Variants in CLINT1 observed in about 807,000 individuals in gnomAD.
CLINT1 encodes clathrin interacting protein localized in the trans-Golgi region.
Under a neutral mutation model 70.4 loss-of-function variants are expected in CLINT1, and 15 were observed. The ratio of observed to expected loss-of-function variants is 0.21; its 90% confidence interval spans 0.14 to 0.33. CLINT1 has a LOEUF of 0.33. Among genes scored for constraint, CLINT1 ranks in the 10% least tolerant of loss-of-function variants. The pLI is 1.00. For synonymous variants in CLINT1, 227 were observed against 254.7 expected, an observed-to-expected ratio of 0.89 and a Z score of 1.04; for missense variants, 615 against 778.1, an observed-to-expected ratio of 0.79 and a Z score of 2.49.
chr5:157,823,788 C>A (rs1030112209), intron 1 of CLINT1: 2 of 710,166 alleles, frequency 2.8e-6, no homozygotes, highest in East Asian at 1.3e-4. Context: ...CCCGGAGTTG[C>A]GGACCGGCCT....
chr5:157,813,313 A>G, intron 4 of CLINT1, 86 bp from the exon 5 acceptor site: 1 of 1,222,870 alleles, frequency 8.2e-7, no homozygotes, highest in Non-Finnish European at 1.1e-6. Context: ...AGACACAAAA[A>G]CTTCAACATA....
At chr5:157,807,199 T>C (rs927359645) in intron 6 of CLINT1, among the ~76,000 whole-genome samples, 11 of 152,014 alleles carry the variant, frequency 7.2e-5, no homozygotes, top group African/African-American at 2.7e-4. Context: ...AAATCAAAGA[T>C]CAAAAAGAAT....
At position 157,816,791 on chromosome 5, in the gene CLINT1, G is replaced by A. The variant is rs184026729; in HGVS notation, c.186C>T (p.Asn62=). The change falls in exon 3 of 12, where the codon AAC becomes AAT. Residue 62 remains asparagine (N), a synonymous_variant. Transcript: ENST00000411809. ...FMYEQFPELM[N]MLWSRMLKDN... ...CTTTTAACATTCGTGACCAAAGCAT[G>A]TTCATAAGTTCTGGAAATTGTTCAT... 41 of 1,610,960 alleles carry A rather than the reference G, an allele frequency of 2.5e-5. No homozygotes were observed. The African/African-American group carries it at 5.1e-4, about 20-fold the overall frequency.
chr5:157,820,045 A>T (rs1318248566), intron 1 of CLINT1, among the ~76,000 whole-genome samples: 1 of 152,244 alleles, frequency 6.6e-6, no homozygotes, highest in African/African-American at 2.4e-5. Context: ...AATGGGAGCC[A>T]TCAGAACATA....
chr5:157,858,919 C>A lies in CLINT1; in HGVS notation c.41+11G>T. On this transcript the variant is annotated intron_variant, in intron 1 of 11. Transcript: ENST00000411809. ...CGTGGGCCTCGGCCACAACTGCCCC[C>A]CGATACTCACGCTTTGTCCACCAGC... 1 of 1,607,576 alleles carries A rather than the reference C, an allele frequency of 6.2e-7. No homozygotes were observed. The highest frequency in any genetic ancestry group is 2.3e-5 in the East Asian group (1 of 44,296).
intron 1 of CLINT1, among the ~76,000 whole-genome samples, chr5:157,819,361 T>C (rs980590372): frequency 4.6e-5 from 7 of 152,104 alleles, no homozygotes; most frequent in Non-Finnish European, 7.4e-5. Flanking sequence ...TGTGACAAAA[T>C]AAATATAAAT....
At chr5:157,844,075 A>C (rs144862204) in intron 1 of CLINT1, among the ~76,000 whole-genome samples, 1,548 of 152,246 alleles carry the variant, frequency 0.01, 24 homozygotes, top group African/African-American at 0.035. Flanking sequence ...TATTCTGTTT[A>C]AATTAAGTAG....
chr5:157,815,560 C>CA (rs1407920280), intron 3 of CLINT1, among the ~76,000 whole-genome samples: 8 of 151,652 alleles, frequency 5.3e-5, no homozygotes, highest in Non-Finnish European at 1.0e-4. Context: ...GTGGCAAAAA[C>CA]AAAAAAAATT....
At chr5:157,830,122 AT>A (rs1763177153) in intron 1 of CLINT1, among the ~76,000 whole-genome samples, 2 of 150,982 alleles carry the variant, frequency 1.3e-5, no homozygotes, top group African/African-American at 4.9e-5. Flanking sequence ...TAGTTTTTAT[AT>A]TTTTTGTAGA....
Position 157,787,834 on chromosome 5 carries a change from C to T in CLINT1, c.1690G>A (p.Ala564Thr), listed in dbSNP as rs759210327. The change falls in exon 12 of 12, where the codon GCC becomes ACC. Residue 564 changes from alanine to threonine, a missense_variant. Ala to Thr is a moderately conservative substitution (Grantham distance 58). This residue lies in a region of CLINT1 where 374 missense variants were observed against 409.6 expected (regional missense o/e 0.91). Coordinates refer to ENST00000411809, the MANE Select transcript of CLINT1 (RefSeq NM_014666.4). ...PNVMTGTMGM[A>T]PLGNTPMMNQ... ...ATCATCGGAGTATTTCCAAGAGGGGCCATTCCCATGGTGCCAGTCATCACA... is the reference window on the plus strand; with the variant it reads ...ATCATCGGAGTATTTCCAAGAGGGGTCATTCCCATGGTGCCAGTCATCACA... 1 of 1,613,914 alleles carries T rather than the reference C, an allele frequency of 6.2e-7. No individual in the cohort carries two copies. Among genetic ancestry groups the T allele is most frequent in the East Asian group, 2.2e-5 (1 of 44,862 alleles).
At chr5:157,850,080 A>C (rs1055429590) in intron 1 of CLINT1, among the ~76,000 whole-genome samples, 1 of 152,210 alleles carries the variant, frequency 6.6e-6, no homozygotes, top group Non-Finnish European at 1.5e-5. Flanking sequence ...AGTGAGGGAC[A>C]GTGGTGGGAG....
At chr5:157,810,800 T>C (rs1762530585) in intron 5 of CLINT1, among the ~76,000 whole-genome samples, 1 of 152,174 alleles carries the variant, frequency 6.6e-6, no homozygotes. Context: ...AACAACAAAA[T>C]AACTAAAAAG....
At chr5:157,833,589 AG>A in intron 1 of CLINT1, among the ~76,000 whole-genome samples, 1 of 152,156 alleles carries the variant, frequency 6.6e-6, no homozygotes, top group East Asian at 1.9e-4. Context: ...AACAGTTGGG[AG>A]TCTGTGTACA....
intron 11 of CLINT1, among the ~76,000 whole-genome samples, chr5:157,788,771 C>A (rs961343326): frequency 3.3e-5 from 5 of 152,004 alleles, no homozygotes; most frequent in Non-Finnish European, 4.4e-5. Context: ...AGTTCAAGAC[C>A]AGACTGGACA....
chr5:157,803,915 C>T (rs1292198185), intron 7 of CLINT1, among the ~76,000 whole-genome samples, 196 bp from the exon 8 acceptor site: 1 of 152,034 alleles, frequency 6.6e-6, no homozygotes, highest in Admixed American at 6.6e-5. Flanking sequence ...CCATTCCCAG[C>T]AGTGTAAAAG....
intron 1 of CLINT1, among the ~76,000 whole-genome samples, chr5:157,824,010 A>G (rs1006905992): frequency 1.3e-5 from 2 of 152,094 alleles, no homozygotes; most frequent in Non-Finnish European, 2.9e-5. Flanking sequence ...ATCCTCCCCA[A>G]CCCCTGGTCT....
intron 5 of CLINT1, among the ~76,000 whole-genome samples, chr5:157,811,424 T>C (rs1242412419): frequency 1.3e-5 from 2 of 151,642 alleles, no homozygotes; most frequent in Non-Finnish European, 2.9e-5. Flanking sequence ...TCCCAGCTTC[T>C]TGGGAGGATG....
chr5:157,794,427 G>C (rs1762007510), intron 9 of CLINT1, among the ~76,000 whole-genome samples: 1 of 152,102 alleles, frequency 6.6e-6, no homozygotes, highest in African/African-American at 2.4e-5. Flanking sequence ...CTCATTTTAG[G>C]ATATGTCAAA....
chr5:157,821,738 C>T (rs1762884741), intron 1 of CLINT1, among the ~76,000 whole-genome samples: 1 of 152,142 alleles, frequency 6.6e-6, no homozygotes, highest in African/African-American at 2.4e-5. Flanking sequence ...CTGGGTAGTT[C>T]AGCAGTATAA....
Sources: gnomAD v4.1 joint callset for allele counts (sites outside exome capture counted in the v4.1 genomes callset) on GRCh38, gnomAD v4.1.1 for gene constraint, gnomAD v4.1.1 regional missense constraint, MANE v1.5 for transcripts, NCBI Gene and HGNC (gene_info 2026-07-23, HGNC 2026-07-21) for gene names.